Variants in FAM184B observed in about 807,000 individuals in gnomAD.
FAM184B encodes the protein family with sequence similarity 184 member B.
FAM184B carries 111 observed loss-of-function variants against 135.9 expected under a neutral mutation model. The ratio of observed to expected loss-of-function variants is 0.82; its 90% CI spans 0.70 to 0.96. FAM184B has a LOEUF of 0.96. FAM184B is among the 40% of genes least tolerant of loss of function. The pLI, the probability that FAM184B is intolerant of heterozygous loss-of-function variation, is 0.00. For synonymous variants in FAM184B, 552 were observed against 524.8 expected, an observed-to-expected ratio of 1.05 and a Z score of -0.71; for missense variants, 1,375 against 1,323.9, an observed-to-expected ratio of 1.04 and a Z score of -0.60.
chr4:17,766,542 G>A (rs1415150412), intron 1 of FAM184B, among the ~76,000 whole-genome samples: 1 of 152,042 alleles, frequency 6.6e-6, no homozygotes, highest in Non-Finnish European at 1.5e-5. Flanking sequence ...TAGACACAGA[G>A]TGCTGATTGG....
chr4:17,717,697 G>C (rs1417641843), intron 1 of FAM184B, among the ~76,000 whole-genome samples: 1 of 152,000 alleles, frequency 6.6e-6, no homozygotes, highest in Non-Finnish European at 1.5e-5. Context: ...GAGTGTTGTA[G>C]GTTTAACAAG....
intron 7 of FAM184B, among the ~76,000 whole-genome samples, chr4:17,674,371 A>G (rs749724514): frequency 6.6e-6 from 1 of 152,176 alleles, no homozygotes; most frequent in South Asian, 2.1e-4. Flanking sequence ...TCTTATGTCT[A>G]AAAATACATA....
chr4:17,705,369 A>G (rs542742886), intron 4 of FAM184B, among the ~76,000 whole-genome samples, 163 bp from the exon 5 acceptor site: 15 of 152,336 alleles, frequency 9.8e-5, no homozygotes, highest in African/African-American at 3.6e-4. Flanking sequence ...GATGTTAGTA[A>G]AAGTCTCCAC....
intron 1 of FAM184B, among the ~76,000 whole-genome samples, chr4:17,770,469 TG>T (rs1718794550): frequency 1.3e-5 from 2 of 151,996 alleles, no homozygotes; most frequent in African/African-American, 4.8e-5. Flanking sequence ...TTGTTGTTGT[TG>T]TTGTTTTTTC....
At chr4:17,748,002 G>C (rs539097325) in intron 1 of FAM184B, among the ~76,000 whole-genome samples, 1 of 145,574 alleles carries the variant, frequency 6.9e-6, no homozygotes, top group South Asian at 2.2e-4. Flanking sequence ...GCTCCTCCAG[G>C]CTGAGGCAGG....
chr4:17,751,908 C>G (rs900710162), intron 1 of FAM184B, among the ~76,000 whole-genome samples: 1 of 142,048 alleles, frequency 7.0e-6, no homozygotes, highest in Non-Finnish European at 1.5e-5. Flanking sequence ...AGAGGTGTGG[C>G]GGGATGCAAA....
rs1028470825 is a variant in FAM184B, at chr4:17,629,941, C to T, written c.*2591G>A. ...GTCCTTAAATGCCTTACTTCAATACCCAAGGCATATGGCCTCAATAAAAAA... is the reference window on the plus strand; with the variant it reads ...GTCCTTAAATGCCTTACTTCAATACTCAAGGCATATGGCCTCAATAAAAAA... On this transcript the variant is annotated 3_prime_UTR_variant, in exon 18 of 18. Transcript: ENST00000265018. The T allele has an allele frequency of 6.6e-6, 1 of 152,098 alleles. No individual in the cohort carries two copies. The highest frequency in any genetic ancestry group is 2.4e-5 in the African/African-American group (1 of 41,418). The allele number at this position is 152,098 out of a possible 1,614,324, so 9.4% of individuals were successfully genotyped here.
intron 8 of FAM184B, among the ~76,000 whole-genome samples, chr4:17,663,321 C>T (rs1409475310): frequency 1.3e-5 from 2 of 152,122 alleles, no homozygotes; most frequent in Admixed American, 6.5e-5. Context: ...CAAAGATGCC[C>T]TCTCTCACTC....
intron 6 of FAM184B, among the ~76,000 whole-genome samples, chr4:17,690,986 G>T (rs954548909): frequency 6.6e-6 from 1 of 152,108 alleles, no homozygotes; most frequent in Admixed American, 6.5e-5. Context: ...TCATTTAGGG[G>T]GTAGGAGGAG....
intron 1 of FAM184B, among the ~76,000 whole-genome samples, chr4:17,721,113 G>A (rs1305086657): frequency 6.6e-6 from 1 of 151,706 alleles, no homozygotes; most frequent in Non-Finnish European, 1.5e-5. Flanking sequence ...GGCTGGGCGC[G>A]GTGGCTTACG....
chr4:17,706,827 C>G (rs561456647), intron 3 of FAM184B, among the ~76,000 whole-genome samples: 1 of 152,130 alleles, frequency 6.6e-6, no homozygotes, highest in South Asian at 2.1e-4. Flanking sequence ...TTGCTATTGC[C>G]CAGGCTGGAG....
At chr4:17,662,990 C>T (rs1225991439) in intron 8 of FAM184B, among the ~76,000 whole-genome samples, 1 of 152,164 alleles carries the variant, frequency 6.6e-6, no homozygotes, top group Admixed American at 6.5e-5. Context: ...GGCTGGAGTA[C>T]AGTGGTGTGA....
rs567770141 is a variant in FAM184B, at chr4:17,705,752, C to T, written c.1170G>A (p.Gln390=). The change falls in exon 4 of 18, where the codon CAG becomes CAA. Residue 390 remains glutamine (Q), a splice_region_variant and synonymous_variant. Transcript: ENST00000265018. ...TCCCCAGGGCTGGGTCAGACACTAC[C>T]TGCATATCTGTGCCTCCTTTCATGC... is the stretch of plus-strand genomic sequence containing the variant. ...CPCMKGGTDM[Q]TKKEASAETE... is the part of the protein sequence containing the mutation. The T allele has an allele frequency of 1.4e-5, 21 of 1,551,734 alleles. No homozygotes were observed. Among genetic ancestry groups the T allele is most frequent in the South Asian group, 9.5e-5 (8 of 84,058 alleles).
intron 5 of FAM184B, among the ~76,000 whole-genome samples, chr4:17,701,508 C>T (rs145531270): frequency 6.6e-6 from 1 of 152,318 alleles, no homozygotes; most frequent in East Asian, 1.9e-4. Context: ...ATCTAGCCTC[C>T]CTTCCATTTG....
chr4:17,772,052 C>G (rs1237570556), intron 1 of FAM184B, among the ~76,000 whole-genome samples: 1 of 152,106 alleles, frequency 6.6e-6, no homozygotes, highest in Non-Finnish European at 1.5e-5. Context: ...ACACAGGGAT[C>G]CAGAGCAAGA....
intron 12 of FAM184B, among the ~76,000 whole-genome samples, chr4:17,642,614 G>A (rs1407879989): frequency 1.3e-5 from 2 of 152,048 alleles, no homozygotes; most frequent in African/African-American, 4.8e-5. Context: ...TACCTCTCAG[G>A]GGGAACTGAT....
intron 1 of FAM184B, among the ~76,000 whole-genome samples, chr4:17,744,940 G>A (rs568991289): frequency 3.0e-4 from 46 of 152,320 alleles, no homozygotes; most frequent in African/African-American, 1.1e-3. Flanking sequence ...GAGGCAGTAG[G>A]ACGCATGTCA....
At chr4:17,718,119 T>C (rs1577274899) in intron 1 of FAM184B, among the ~76,000 whole-genome samples, 1 of 152,224 alleles carries the variant, frequency 6.6e-6, no homozygotes, top group African/African-American at 2.4e-5. Context: ...ATCCAAGACA[T>C]GCGGAGAGTT....
chr4:17,693,892 G>T (rs909650730), intron 5 of FAM184B, among the ~76,000 whole-genome samples: 1 of 151,266 alleles, frequency 6.6e-6, no homozygotes, highest in Non-Finnish European at 1.5e-5. Context: ...CAAGTGGATT[G>T]CTTGAGTCCG....
Sources: allele counts gnomAD v4.1 joint callset (sites outside exome capture counted in the v4.1 genomes callset), GRCh38; gene constraint gnomAD v4.1.1; transcripts MANE v1.5; gene names NCBI Gene and HGNC (gene_info 2026-07-23, HGNC 2026-07-21).